SMOC2: variants seen among roughly 807,000 people sequenced by gnomAD.
SMOC2 encodes SPARC-related modular calcium-binding protein 2.
In SMOC2, 39 loss-of-function variants were observed where a neutral mutation model predicts 61.4. That is an observed-to-expected ratio of 0.64 (90% CI 0.49 to 0.83). SMOC2 has a LOEUF of 0.83. SMOC2 is among the 40% of genes least tolerant of loss of function. SMOC2 has a pLI of 0.00. For synonymous variants in SMOC2, 247 were observed against 239.9 expected, an observed-to-expected ratio of 1.03 and a Z score of -0.27; for missense variants, 556 against 592.9, an observed-to-expected ratio of 0.94 and a Z score of 0.65.
chr6:168,637,358 G>A (rs750723648), intron 9 of SMOC2, among the ~76,000 whole-genome samples: 6 of 152,134 alleles, frequency 3.9e-5, no homozygotes, highest in Non-Finnish European at 7.3e-5. Context: ...CAGTTTCCTG[G>A]ACCTGGAAGT....
At chr6:168,487,297 C>T (rs932567109) in intron 1 of SMOC2, among the ~76,000 whole-genome samples, 3 of 152,174 alleles carry the variant, frequency 2.0e-5, no homozygotes, top group Non-Finnish European at 1.5e-5. Flanking sequence ...AGGAACGACT[C>T]ATATTTGGCT....
chr6:168,665,860 C>T (rs1422824704), intron 12 of SMOC2, among the ~76,000 whole-genome samples: 2 of 150,364 alleles, frequency 1.3e-5, no homozygotes, highest in East Asian at 3.9e-4. Context: ...CAACATTTGT[C>T]GGAATTGGCA....
chr6:168,537,395 G>A (rs540022987), intron 4 of SMOC2, among the ~76,000 whole-genome samples: 9 of 152,188 alleles, frequency 5.9e-5, no homozygotes, highest in Admixed American at 1.3e-4. Flanking sequence ...GGAGAGCAGC[G>A]TCTATCCTAA....
chr6:168,622,662 G>T (rs1448672269), intron 9 of SMOC2, among the ~76,000 whole-genome samples: 1 of 152,108 alleles, frequency 6.6e-6, no homozygotes, highest in Non-Finnish European at 1.5e-5. Context: ...GAGCAGGGCT[G>T]CCTGTCTTGT....
intron 9 of SMOC2, among the ~76,000 whole-genome samples, chr6:168,616,791 G>A (rs933370086): frequency 2.6e-5 from 4 of 152,206 alleles, no homozygotes; most frequent in Non-Finnish European, 4.4e-5. Flanking sequence ...TCATAAGACA[G>A]GAAGAGCAGG....
intron 9 of SMOC2, among the ~76,000 whole-genome samples, chr6:168,634,513 A>G (rs1562395594): frequency 6.6e-6 from 1 of 152,218 alleles, no homozygotes; most frequent in Non-Finnish European, 1.5e-5. Flanking sequence ...GTCTGAAATG[A>G]ACACCGCAAA....
chr6:168,581,997 C>A (rs1294111649), intron 7 of SMOC2, among the ~76,000 whole-genome samples: 1 of 152,172 alleles, frequency 6.6e-6, no homozygotes, highest in Non-Finnish European at 1.5e-5. Flanking sequence ...ATTAGCTTGT[C>A]TGCTTGCTTC....
intron 1 of SMOC2, among the ~76,000 whole-genome samples, chr6:168,497,431 T>A (rs557815211): frequency 6.6e-6 from 1 of 152,296 alleles, no homozygotes; most frequent in African/African-American, 2.4e-5. Context: ...CGCCCTTCCT[T>A]TCATAGGTAT....
In SMOC2 at chr6:168,653,000, C is replaced by T; in HGVS notation, c.1057C>T (p.His353Tyr). 1.2e-6 allele frequency: 2 copies of T among 1,613,992 alleles called. No individual in the cohort carries two copies. The highest frequency in any genetic ancestry group is 1.7e-6 in the Non-Finnish European group (2 of 1,179,958). The change falls in exon 11 of 13, where the codon CAC becomes TAC. Residue 353 changes from histidine to tyrosine, a missense_variant. Coordinates refer to ENST00000356284, the MANE Select transcript of SMOC2 (RefSeq NM_001166412.2). ...CCATACCCTAGAGGAGCGGGTGGTG[C>T]ACTGGTACTTCAAACTACTGGATAA... ...PSHTLEERVV[H>Y]WYFKLLDKNS...
At chr6:168,543,009 G>A (rs952182161) in intron 4 of SMOC2, among the ~76,000 whole-genome samples, 5 of 152,132 alleles carry the variant, frequency 3.3e-5, no homozygotes, top group African/African-American at 1.2e-4. Flanking sequence ...TTTATTTCTC[G>A]AGTTGGTATT....
chr6:168,499,989 G>A (rs1782685033), intron 1 of SMOC2, among the ~76,000 whole-genome samples: 1 of 152,228 alleles, frequency 6.6e-6, no homozygotes, highest in Non-Finnish European at 1.5e-5. Flanking sequence ...TGTTCAAGCT[G>A]TGAGCAGGGA....
intron 11 of SMOC2, among the ~76,000 whole-genome samples, chr6:168,663,256 T>G (rs1583197627): frequency 6.6e-6 from 1 of 152,260 alleles, no homozygotes; most frequent in South Asian, 2.1e-4. Context: ...AAGGAGACTT[T>G]CCCAGGAAGC....
chr6:168,606,403 G>A (rs962085747), intron 8 of SMOC2, among the ~76,000 whole-genome samples: 4 of 152,150 alleles, frequency 2.6e-5, no homozygotes, highest in African/African-American at 9.7e-5. Flanking sequence ...TGTCTGACTG[G>A]GGTGGCAGGT....
chr6:168,605,847 C>G (rs1045061629), intron 8 of SMOC2, among the ~76,000 whole-genome samples: 1 of 152,028 alleles, frequency 6.6e-6, no homozygotes, highest in Non-Finnish European at 1.5e-5. Context: ...GGTGTGCCCT[C>G]TGATACTCGG....
intron 7 of SMOC2, among the ~76,000 whole-genome samples, chr6:168,578,294 A>G (rs1352526110): frequency 6.6e-6 from 1 of 152,212 alleles, no homozygotes; most frequent in Non-Finnish European, 1.5e-5. Context: ...AGTGACTGGC[A>G]TCGTGGCTGG....
chr6:168,529,432 C>A (rs1051006807), intron 4 of SMOC2, among the ~76,000 whole-genome samples: 1 of 152,194 alleles, frequency 6.6e-6, no homozygotes, highest in Admixed American at 6.5e-5. Context: ...GGCAGGGTTC[C>A]GCTGGCTGCA....
chr6:168,603,795 T>C (rs1243956293), intron 8 of SMOC2, among the ~76,000 whole-genome samples: 6 of 151,614 alleles, frequency 4.0e-5, no homozygotes, highest in Non-Finnish European at 7.4e-5. Flanking sequence ...CTCCCTGAAA[T>C]GCCGACATCA....
intron 9 of SMOC2, among the ~76,000 whole-genome samples, chr6:168,642,657 C>T (rs991004133): frequency 3.9e-5 from 6 of 152,196 alleles, no homozygotes; most frequent in African/African-American, 1.2e-4. Context: ...AGGCCAGGCC[C>T]TTGAGGATGA....
intron 2 of SMOC2, among the ~76,000 whole-genome samples, chr6:168,517,324 T>C (rs1783165195): frequency 6.6e-6 from 1 of 151,928 alleles, no homozygotes; most frequent in Non-Finnish European, 1.5e-5. Flanking sequence ...CCAGCAGGGG[T>C]TTGGGGTGGC....
Sources: gnomAD v4.1 joint callset for allele counts (sites outside exome capture counted in the v4.1 genomes callset) on GRCh38, gnomAD v4.1.1 for gene constraint, MANE v1.5 for transcripts, NCBI Gene and HGNC (gene_info 2026-07-23, HGNC 2026-07-21) for gene names.